Variants in STK32C observed in about 807,000 individuals in gnomAD.
STK32C encodes the protein serine/threonine kinase 32C.
A neutral mutation model predicts 56.5 loss-of-function variants in STK32C; 31 were observed. The observed-to-expected ratio is 0.55, with a 90% CI of 0.41 to 0.74. The LOEUF is 0.74. STK32C is among the 30% of genes least tolerant of loss of function. The pLI, the probability that STK32C is intolerant of heterozygous loss-of-function variation, is 0.00. For synonymous variants in STK32C, 309 were observed against 289.4 expected (o/e 1.07, Z -0.69); for missense variants, 544 against 676.9 (o/e 0.80, Z 2.18).
At chr10:132,233,861 G>A (rs2137797572) in intron 2 of STK32C, among the ~76,000 whole-genome samples, 1 of 152,354 alleles carries the variant, frequency 6.6e-6, no homozygotes, top group East Asian at 1.9e-4. Context: ...GCGACTGCAG[G>A]ATGGCCCCTT....
Position 132,241,332 on chromosome 10 carries a change from C to T in STK32C, c.318+4568G>A, listed in dbSNP as rs548731931. 1.2e-3 allele frequency among the ~76,000 whole-genome samples: 182 copies of T among 152,360 alleles called. 1 individual carries two copies. The highest frequency in any genetic ancestry group is 4.2e-3 in the African/African-American group (176 of 41,586). On this transcript the variant is annotated intron_variant, in intron 2 of 11. Transcript: ENST00000298630. ...TCAGGGCCAGGCAGTGGCTCAACGACAAGGTCGACAATTTAACACTGGGAA... is the reference window on the plus strand; with the variant it reads ...TCAGGGCCAGGCAGTGGCTCAACGATAAGGTCGACAATTTAACACTGGGAA...
rs193004995 is a variant in STK32C, at chr10:132,220,579, A to C, written c.1251+2062T>G. 2.9e-4 allele frequency among the ~76,000 whole-genome samples: 44 copies of C among 152,348 alleles called. 1 individual carries two copies. Among genetic ancestry groups the C allele is most frequent in the Middle Eastern group, 3.4e-3 (1 of 294 alleles). On this transcript the variant is annotated intron_variant, in intron 10 of 11. Coordinates refer to ENST00000298630, the MANE Select transcript of STK32C (RefSeq NM_173575.4). Reference sequence around the variant, plus strand: ...AAAGTCACCCTTCTACAACAGCATTAACCCCATCCATGCTGGAAGAACCTA... The same window carrying C: ...AAAGTCACCCTTCTACAACAGCATTCACCCCATCCATGCTGGAAGAACCTA...
intron 1 of STK32C, among the ~76,000 whole-genome samples, chr10:132,272,637 T>C (rs565195103): frequency 3.3e-5 from 5 of 152,200 alleles, no homozygotes; most frequent in Admixed American, 3.3e-4. Context: ...GCCCCTCCTC[T>C]GCTTCTGGCC....
At chr10:132,286,438 G>T (rs1454213888) in intron 1 of STK32C, among the ~76,000 whole-genome samples, 1 of 152,194 alleles carries the variant, frequency 6.6e-6, no homozygotes, top group Non-Finnish European at 1.5e-5. Context: ...TGTGAGGCCA[G>T]CACATGCCTG....
rs950872587 is a variant in STK32C at position 132,219,382 on chromosome 10, C to G, written c.1251+3259G>C. On this transcript the variant is annotated intron_variant, in intron 10 of 11. Transcript: ENST00000298630. ...GCCGAGCTCCTCCCGCTCACAGGTG[C>G]CTGGCCTTACCTGTTCCCAGCCAGA... Among the ~76,000 whole-genome samples, 7 of 152,186 alleles carry G rather than the reference C, an allele frequency of 4.6e-5. No homozygotes were observed. In the East Asian group the frequency reaches 5.8e-4, roughly 13 times the overall value.
rs571570508 is a variant in STK32C, at chr10:132,256,995, G to A, written c.263-11040C>T. Among the ~76,000 whole-genome samples, 116 of 152,316 alleles carry A rather than the reference G, an allele frequency of 7.6e-4. 1 individual carries two copies. Among genetic ancestry groups the A allele is most frequent in the Non-Finnish European group, 1.5e-4 (10 of 68,016 alleles). ...GGGGAGCGAGCCCAGTGGGATCCCA[G>A]GGCTGGGGATCAAAGCAGAACAGCC... On this transcript the variant is annotated intron_variant, in intron 1 of 11. Coordinates refer to ENST00000298630, the MANE Select transcript of STK32C (RefSeq NM_173575.4).
chr10:132,234,122 G>A (rs747789514), intron 2 of STK32C, among the ~76,000 whole-genome samples: 7 of 152,140 alleles, frequency 4.6e-5, no homozygotes, highest in Admixed American at 4.6e-4. Context: ...CTCCCACTTG[G>A]GGATAACCAA....
At chr10:132,284,941 T>C (rs1261935684) in intron 1 of STK32C, among the ~76,000 whole-genome samples, 14 of 121,814 alleles carry the variant, frequency 1.1e-4, no homozygotes, top group Non-Finnish European at 1.7e-4. Context: ...CATTCCCACG[T>C]CTGCCCAAAG....
intron 1 of STK32C, among the ~76,000 whole-genome samples, chr10:132,250,715 A>G (rs1214101922): frequency 2.0e-5 from 3 of 152,250 alleles, no homozygotes; most frequent in African/African-American, 7.2e-5. Flanking sequence ...CATTGCAGAG[A>G]GGAGACCCGG....
At chr10:132,212,866 C>T (rs534771191) in intron 10 of STK32C, among the ~76,000 whole-genome samples, 47 of 152,352 alleles carry the variant, frequency 3.1e-4, no homozygotes, top group East Asian at 5.8e-4. Flanking sequence ...AGCGCTGCGG[C>T]GACCCCCAAG....
chr10:132,294,170 C>A (rs923434503), intron 1 of STK32C, among the ~76,000 whole-genome samples: 1 of 152,068 alleles, frequency 6.6e-6, no homozygotes, highest in African/African-American at 2.4e-5. Context: ...AGATCACCAG[C>A]GTGTGGGTGG....
intron 1 of STK32C, among the ~76,000 whole-genome samples, chr10:132,256,502 C>T (rs1028981393): frequency 1.3e-5 from 2 of 152,170 alleles, no homozygotes; most frequent in African/African-American, 2.4e-5. Context: ...TTAGGGCAAC[C>T]GCCTGATCAA....
chr10:132,279,729 A>G (rs78128502), intron 1 of STK32C, among the ~76,000 whole-genome samples: 58 of 63,548 alleles, frequency 9.1e-4, no homozygotes, highest in African/African-American at 3.0e-3. Context: ...CCCTGATCAC[A>G]CCACTGCACT....
chr10:132,310,476 A>G (rs1056741998), upstream of STK32C, among the ~76,000 whole-genome samples: 4 of 152,142 alleles, frequency 2.6e-5, no homozygotes, highest in African/African-American at 9.7e-5. The surrounding 1 kb of genome is among the most constrained non-coding windows in gnomAD (Gnocchi z 4.6). Context: ...GGGGTCAGGA[A>G]CTGCTGTCCC....
intron 1 of STK32C, among the ~76,000 whole-genome samples, chr10:132,261,046 G>A (rs1318928025): frequency 6.6e-6 from 1 of 152,174 alleles, no homozygotes; most frequent in African/African-American, 2.4e-5. Flanking sequence ...CAGGCCTCAG[G>A]GACTACGAGC....
intron 1 of STK32C, among the ~76,000 whole-genome samples, chr10:132,252,939 C>T (rs1223156436): frequency 2.0e-5 from 3 of 152,134 alleles, no homozygotes; most frequent in Non-Finnish European, 2.9e-5. Flanking sequence ...AACACCAGCC[C>T]CCACACCTCC....
At chr10:132,305,558 GA>G (rs747400759) in intron 1 of STK32C, among the ~76,000 whole-genome samples, 51 of 152,314 alleles carry the variant, frequency 3.3e-4, no homozygotes, top group East Asian at 5.8e-4. Flanking sequence ...ACGGGGCCAC[GA>G]AAGTACCAGG....
chr10:132,292,318 G>A (rs531277735), intron 1 of STK32C, among the ~76,000 whole-genome samples: 2 of 152,314 alleles, frequency 1.3e-5, no homozygotes, highest in East Asian at 3.9e-4. Flanking sequence ...CTGCCACCAA[G>A]GGCCTGGGTA....
At chr10:132,234,052 T>C (rs1210439239) in intron 2 of STK32C, among the ~76,000 whole-genome samples, 1 of 152,206 alleles carries the variant, frequency 6.6e-6, no homozygotes, top group Non-Finnish European at 1.5e-5. Context: ...CTTGGCTATC[T>C]TCAAACAGAG....
Sources: gnomAD v4.1 joint callset for allele counts (sites outside exome capture counted in the v4.1 genomes callset) on GRCh38, gnomAD v4.1.1 for gene constraint, Gnocchi (gnomAD v3.1) non-coding constraint, MANE v1.5 for transcripts, NCBI Gene and HGNC (gene_info 2026-07-23, HGNC 2026-07-21) for gene names.